Variants in CIMIP1 observed in about 807,000 individuals in gnomAD.
CIMIP1 encodes low in lung cancer 1.
the CIMIP1 span, chr20:58,155,584 T>TAAATACTCATTTTTTTA: frequency 6.3e-7 from 1 of 1,593,448 alleles, no homozygotes; most frequent in Non-Finnish European, 8.6e-7. Context: ...GAAACGTTTT[T>TAAATACTCATTTTTTTA]AAATACTCAT....
chr20:58,160,802 C>T, the CIMIP1 span: 1 of 1,612,940 alleles, frequency 6.2e-7, no homozygotes, highest in East Asian at 2.2e-5. Context: ...GCTGTGCTGG[C>T]CCAAGCAGGG....
the CIMIP1 span, chr20:58,160,795 G>C: frequency 6.2e-7 from 1 of 1,613,364 alleles, no homozygotes; most frequent in Non-Finnish European, 8.5e-7. Context: ...CACGAGAGCT[G>C]TGCTGGCCCA....
At chr20:58,160,613 G>A in the CIMIP1 span, 7 of 1,579,002 alleles carry the variant, frequency 4.4e-6, no homozygotes, top group South Asian at 3.4e-5. Context: ...TGGGTGCCTC[G>A]TGTCTCTGTG....
chr20:58,151,388 T>C, the CIMIP1 span, among the ~76,000 whole-genome samples: 1 of 152,008 alleles, frequency 6.6e-6, no homozygotes, highest in Non-Finnish European at 1.5e-5. Flanking sequence ...CGTGTTCATG[T>C]TTTTAAGACT....
the CIMIP1 span, chr20:58,160,727 G>A: frequency 1.2e-6 from 2 of 1,614,152 alleles, no homozygotes; most frequent in Non-Finnish European, 1.7e-6. Context: ...TGCAGTGCCA[G>A]GCCTGAACAA....
chr20:58,155,476 G>A, the CIMIP1 span: 33 of 1,613,628 alleles, frequency 2.0e-5, no homozygotes, highest in South Asian at 2.3e-4. Flanking sequence ...AGTTGATCAA[G>A]TGTGAAGAAG....
At chr20:58,152,742 AAAAG>A in the CIMIP1 span, among the ~76,000 whole-genome samples, 1 of 151,826 alleles carries the variant, frequency 6.6e-6, no homozygotes, top group Non-Finnish European at 1.5e-5. Context: ...AAAAAAAAAA[AAAAG>A]ACTGTCACCT....
chr20:58,160,734 A>G, the CIMIP1 span: 1 of 1,614,138 alleles, frequency 6.2e-7, no homozygotes, highest in Non-Finnish European at 8.5e-7. Context: ...CCAGGCCTGA[A>G]CAAGTGCCTA....
At chr20:58,156,717 G>A in the CIMIP1 span, among the ~76,000 whole-genome samples, 220 of 152,286 alleles carry the variant, frequency 1.4e-3, no homozygotes, top group African/African-American at 4.7e-3. Context: ...GCACCACGGC[G>A]GACATGGCTC....
At chr20:58,158,566 C>T in the CIMIP1 span, among the ~76,000 whole-genome samples, 1 of 151,994 alleles carries the variant, frequency 6.6e-6, no homozygotes, top group Non-Finnish European at 1.5e-5. Context: ...AGGAGAACGA[C>T]GTGAACCCGG....
chr20:58,153,510 G>T, the CIMIP1 span: 1 of 1,565,922 alleles, frequency 6.4e-7, no homozygotes, highest in Non-Finnish European at 8.8e-7. Flanking sequence ...ACCTTTTTCC[G>T]TGTTGCCCAG....
chr20:58,159,933 G>T, the CIMIP1 span, among the ~76,000 whole-genome samples: 3 of 152,216 alleles, frequency 2.0e-5, no homozygotes, highest in African/African-American at 7.2e-5. Flanking sequence ...TCACCGGCAG[G>T]TTCCATTAGT....
At chr20:58,160,736 A>C in the CIMIP1 span, 1 of 1,614,182 alleles carries the variant, frequency 6.2e-7, no homozygotes, top group Non-Finnish European at 8.5e-7. Flanking sequence ...AGGCCTGAAC[A>C]AGTGCCTAGA....
At chr20:58,150,952 G>A in the CIMIP1 span, 5 of 1,598,888 alleles carry the variant, frequency 3.1e-6, no homozygotes, top group Admixed American at 3.5e-5. Flanking sequence ...GGCGCACAGA[G>A]CCCCCAGGCC....
the CIMIP1 span, among the ~76,000 whole-genome samples, chr20:58,153,162 CT>C: frequency 6.6e-6 from 1 of 152,194 alleles, no homozygotes; most frequent in Non-Finnish European, 1.5e-5. Context: ...CATGCAGACG[CT>C]GTCTCTGCAC....
chr20:58,160,847 G>C, the CIMIP1 span: 1 of 1,599,244 alleles, frequency 6.3e-7, no homozygotes, highest in Non-Finnish European at 8.5e-7. Context: ...CTGCCCAGGG[G>C]TGCTGCATAT....
the CIMIP1 span, among the ~76,000 whole-genome samples, chr20:58,157,128 A>G: frequency 6.6e-6 from 1 of 152,160 alleles, no homozygotes; most frequent in African/African-American, 2.4e-5. Flanking sequence ...CATGATTAAC[A>G]TTTTGGGGGT....
chr20:58,151,067 T>C, the CIMIP1 span: 2 of 1,553,250 alleles, frequency 1.3e-6, no homozygotes, highest in Non-Finnish European at 1.8e-6. Context: ...GGTGGGCTCC[T>C]GTTCTCACCT....
At chr20:58,155,984 C>G in the CIMIP1 span, among the ~76,000 whole-genome samples, 1 of 152,166 alleles carries the variant, frequency 6.6e-6, no homozygotes, top group Non-Finnish European at 1.5e-5. Flanking sequence ...CTGTGTCTCC[C>G]CTGCCTGTCT....
Sources: allele counts gnomAD v4.1 joint callset (sites outside exome capture counted in the v4.1 genomes callset), GRCh38; gene constraint gnomAD v4.1.1; transcripts MANE v1.5; gene names NCBI Gene and HGNC (gene_info 2026-07-23, HGNC 2026-07-21).